DIAPH2: variants seen among roughly 807,000 people sequenced by gnomAD.
DIAPH2 encodes protein diaphanous homolog 2.
In DIAPH2, 35 loss-of-function variants were observed where a neutral mutation model predicts 92.7. The ratio of observed to expected loss-of-function variants is 0.38; its 90% CI spans 0.29 to 0.50. The LOEUF (loss-of-function observed/expected upper bound fraction) is 0.50. DIAPH2 is among the 20% of genes least tolerant of loss of function. The pLI is 0.94. For synonymous variants in DIAPH2, 301 were observed against 280.4 expected (o/e 1.07, Z -0.73); for missense variants, 701 against 819.5 (o/e 0.86, Z 1.77).
At chrX:97,025,681 A>AC (rs2066329891) in intron 17 of DIAPH2, among the ~76,000 whole-genome samples, 1 of 111,704 alleles carries the variant, frequency 9.0e-6, no homozygotes, top group Non-Finnish European at 1.9e-5. Context: ...AAACAAACAA[A>AC]AAAACAAAAA....
At chrX:97,533,562 C>T (rs1436967079) in intron 26 of DIAPH2, 1 of 110,986 alleles carries the variant, frequency 9.0e-6, no homozygotes, top group Non-Finnish European at 1.9e-5. Flanking sequence ...TTATGGTTCA[C>T]ATCTGGAGGC....
intron 1 of DIAPH2, among the ~76,000 whole-genome samples, chrX:96,712,276 AT>A (rs1407838877): frequency 9.0e-6 from 1 of 110,551 alleles, no homozygotes; most frequent in Non-Finnish European, 1.9e-5. Flanking sequence ...TCTTTTGTGG[AT>A]TTTTTATATA....
intron 26 of DIAPH2, among the ~76,000 whole-genome samples, chrX:97,483,236 G>T (rs1189701888): frequency 9.1e-6 from 1 of 109,982 alleles, no homozygotes; most frequent in African/African-American, 3.3e-5. Flanking sequence ...AGACTGAAAA[G>T]CTATATATGT....
At chrX:97,047,778 G>A (rs928721742) in intron 17 of DIAPH2, among the ~76,000 whole-genome samples, 2 of 108,333 alleles carry the variant, frequency 1.8e-5, no homozygotes, top group Non-Finnish European at 1.9e-5. Flanking sequence ...CTCTGACTTT[G>A]TTCTATGATT....
chrX:97,535,600 C>T lies in DIAPH2; in HGVS notation c.3242-63653C>T, dbSNP rs372509428. ...TCAAATAGATGGGATTGCAGGCACG[C>T]GCCACCACACCCAGCTGATTTTTAT... On this transcript the variant is annotated intron_variant, in intron 26 of 26. Transcript: ENST00000324765. Among the ~76,000 whole-genome samples, 162 of 110,822 alleles carry T rather than the reference C, an allele frequency of 1.5e-3. 1 individual carries two copies. The highest frequency in any genetic ancestry group is 2.3e-3 in the East Asian group (8 of 3,525).
chrX:97,312,213 T>C (rs1289015492), intron 23 of DIAPH2, among the ~76,000 whole-genome samples: 1 of 110,775 alleles, frequency 9.0e-6, no homozygotes, highest in Admixed American at 9.7e-5. Flanking sequence ...AGCTTGGAGG[T>C]TAAAAGCAAG....
rs2065613501 is a variant in DIAPH2, at chrX:96,930,667, A to G, written c.979-66A>G. 5 of 792,014 alleles carry G rather than the reference A, an allele frequency of 6.3e-6. No homozygotes were observed. In the South Asian group the frequency reaches 9.7e-5, roughly 15 times the overall value. The allele number at this position is 792,014 out of a possible 1,213,427, so 65.3% of individuals were successfully genotyped here. A position where few individuals can be genotyped will look rare whatever the true frequency, so the allele number is the denominator to read the frequency against. ...TGTGTATGCCTTTAGTGAATATATT[A>G]TCTTAATGCATTATTTCATTAATTT... is the stretch of plus-strand genomic sequence containing the variant. On this transcript the variant is annotated intron_variant, in intron 9 of 26. Transcript: ENST00000324765.
chrX:96,919,988 T>TA (rs1397923952), intron 9 of DIAPH2, among the ~76,000 whole-genome samples: 3 of 109,481 alleles, frequency 2.7e-5, no homozygotes, highest in Non-Finnish European at 5.7e-5. Context: ...AAAGCAATTC[T>TA]CCCTGCCTCA....
At chrX:97,053,081 T>TA (rs1451860403) in intron 17 of DIAPH2, among the ~76,000 whole-genome samples, 1 of 111,211 alleles carries the variant, frequency 9.0e-6, no homozygotes, top group Non-Finnish European at 1.9e-5. Flanking sequence ...AATTTACTGT[T>TA]AAACTGAGGT....
chrX:97,169,727 G>A (rs1342361440), intron 22 of DIAPH2, among the ~76,000 whole-genome samples: 4 of 111,149 alleles, frequency 3.6e-5, no homozygotes, highest in Non-Finnish European at 7.5e-5. Context: ...AACGAACAGG[G>A]AGTGGTGGCA....
chrX:96,995,060 G>C (rs777086600), intron 17 of DIAPH2, among the ~76,000 whole-genome samples: 1 of 111,696 alleles, frequency 9.0e-6, no homozygotes, highest in South Asian at 3.8e-4. Context: ...AGCCAGCAAA[G>C]AAAATGCCAA....
chrX:97,465,334 C>A (rs1050569488), intron 26 of DIAPH2, among the ~76,000 whole-genome samples: 1 of 111,068 alleles, frequency 9.0e-6, no homozygotes, highest in Non-Finnish European at 1.9e-5. Context: ...TACAATTGTC[C>A]TTTCATATCC....
intron 3 of DIAPH2, among the ~76,000 whole-genome samples, chrX:96,748,583 G>A (rs1017834778): frequency 1.8e-5 from 2 of 111,985 alleles, no homozygotes; most frequent in East Asian, 2.8e-4. Context: ...ACTGTTTTAA[G>A]GTCTGAGAAG....
intron 10 of DIAPH2, 146 bp from the exon 11 acceptor site, chrX:96,937,087 A>G (rs1452636202): frequency 9.2e-6 from 3 of 326,966 alleles, no homozygotes; most frequent in African/African-American, 5.4e-5. Flanking sequence ...TTTAGCTACA[A>G]TTACTTTCAG....
chrX:97,369,492 A>G (rs1404076050), intron 24 of DIAPH2, among the ~76,000 whole-genome samples: 1 of 48,755 alleles, frequency 2.1e-5, no homozygotes, highest in African/African-American at 4.1e-5. Context: ...GACCACCATG[A>G]CCACTAAGTG....
chrX:97,073,007 T>C lies in DIAPH2; in HGVS notation c.2117T>C (p.Leu706Pro). 2.5e-6 allele frequency: 3 copies of C among 1,203,060 alleles called. No individual in the cohort carries two copies. The highest frequency in any genetic ancestry group is 3.4e-6 in the Non-Finnish European group (3 of 890,882). Reference sequence around the variant, plus strand: ...CCTACAAAGAAGAAAGTGAAAGAACTGAGAATTTTGGATCCCAAAACAGCT... The same window carrying C: ...CCTACAAAGAAGAAAGTGAAAGAACCGAGAATTTTGGATCCCAAAACAGCT... ...TGPTKKKVKE[L>P]RILDPKTAQN... The change falls in exon 18 of 27, where the codon CTG becomes CCG. Residue 706 changes from leucine to proline, a missense_variant. Coordinates refer to ENST00000324765, the MANE Select transcript of DIAPH2 (RefSeq NM_006729.5).
At position 96,824,803 on chromosome X, in the gene DIAPH2, C is replaced by G. The variant is rs920368485; in HGVS notation, c.448-56776C>G. Among the ~76,000 whole-genome samples the G allele has an allele frequency of 5.5e-4, 61 of 111,875 alleles. 1 individual carries two copies. Among genetic ancestry groups the G allele is most frequent in the Middle Eastern group, 9.3e-3 (2 of 215 alleles). On this transcript the variant is annotated intron_variant, in intron 4 of 26. Coordinates refer to ENST00000324765, the MANE Select transcript of DIAPH2 (RefSeq NM_006729.5). ...ATCACAAACCTATCCTGCAAATTAG[C>G]AAATGCATACACTAACAAAGACAAT... is the stretch of plus-strand genomic sequence containing the variant.
At chrX:97,501,599 G>T (rs2070798479) in intron 26 of DIAPH2, among the ~76,000 whole-genome samples, 1 of 110,749 alleles carries the variant, frequency 9.0e-6, no homozygotes, top group South Asian at 3.8e-4. Context: ...TATATTAAAA[G>T]ATCGTAATTT....
rs913664599 is a variant in DIAPH2 at position 97,004,707 on chromosome X, A to G, written c.2050+39500A>G. On this transcript the variant is annotated intron_variant, in intron 17 of 26. Coordinates refer to ENST00000324765, the MANE Select transcript of DIAPH2 (RefSeq NM_006729.5). ...GCTCTTATAGTTTTTTGATTGAGTC[A>G]TTAGGTTTTTCCAAATATAAAATTA... Among the ~76,000 whole-genome samples the G allele has an allele frequency of 4.5e-5, 5 of 111,963 alleles. No individual in the cohort carries two copies. In the East Asian group the frequency reaches 1.4e-3, roughly 31 times the overall value.
Sources: allele counts gnomAD v4.1 joint callset (sites outside exome capture counted in the v4.1 genomes callset), GRCh38; gene constraint gnomAD v4.1.1; transcripts MANE v1.5; gene names NCBI Gene and HGNC (gene_info 2026-07-23, HGNC 2026-07-21).